Variants in FIGLA observed in about 807,000 individuals in gnomAD.
FIGLA encodes factor in the germline alpha.
In FIGLA, 17 loss-of-function variants were observed where a neutral mutation model predicts 21.5. The observed-to-expected ratio is 0.79, with a 90% CI of 0.54 to 1.19. The LOEUF is 1.19. Among genes scored for constraint, FIGLA ranks in the 50% most tolerant of loss-of-function variants. FIGLA has a pLI of 0.00. For synonymous variants in FIGLA, 129 were observed against 117.6 expected, an observed-to-expected ratio of 1.10 and a Z score of -0.63; for missense variants, 282 against 285.0, an observed-to-expected ratio of 0.99 and a Z score of 0.08.
At chr2:70,790,129 C>T (rs955899377) in intron 1 of FIGLA, among the ~76,000 whole-genome samples, 5 of 152,182 alleles carry the variant, frequency 3.3e-5, no homozygotes, top group Non-Finnish European at 7.4e-5. Context: ...GTTGTCAGGG[C>T]CCCTCCTCTG....
intron 3 of FIGLA, among the ~76,000 whole-genome samples, chr2:70,779,108 G>T (rs1341677526): frequency 6.6e-6 from 1 of 152,164 alleles, no homozygotes; most frequent in African/African-American, 2.4e-5. Context: ...GGCTATAAAT[G>T]CAGTCGCCGG....
chr2:70,787,088 T>C (rs782571797), intron 2 of FIGLA, among the ~76,000 whole-genome samples: 12 of 152,246 alleles, frequency 7.9e-5, no homozygotes, highest in Admixed American at 3.3e-4. Context: ...GGTGGTGACA[T>C]TATGATACTT....
chr2:70,786,870 C>T (rs1553390117), intron 2 of FIGLA, among the ~76,000 whole-genome samples: 1 of 152,104 alleles, frequency 6.6e-6, no homozygotes, highest in African/African-American at 2.4e-5. Flanking sequence ...ACCTTCTTGC[C>T]ACATTCTAAT....
intron 2 of FIGLA, among the ~76,000 whole-genome samples, chr2:70,786,210 A>T (rs1553389993): frequency 1.5e-5 from 2 of 132,150 alleles, no homozygotes; most frequent in African/African-American, 2.9e-5. Flanking sequence ...CCTTCACTTG[A>T]TCTAACAACT....
At chr2:70,779,854 T>C (rs1348353566) in intron 3 of FIGLA, among the ~76,000 whole-genome samples, 2 of 152,074 alleles carry the variant, frequency 1.3e-5, no homozygotes, top group South Asian at 4.1e-4. Flanking sequence ...CCATGCATAA[T>C]ATGAAATGCC....
rs576888415 is a variant in FIGLA, at chr2:70,785,325, A to T, written c.609+90T>A. 131 of 1,082,288 alleles carry T rather than the reference A, an allele frequency of 1.2e-4. No individual in the cohort carries two copies. The South Asian group carries it at 1.9e-3, about 16-fold the overall frequency. 67.0% of individuals were successfully genotyped at this position (1,082,288 alleles called of 1,614,324 possible). ...TTCATTAAATTATCTTGTTTTAATC[A>T]TGTTTTAGCATGGAAAAATGACTCA... On this transcript the variant is annotated intron_variant, in intron 3 of 4. Transcript: ENST00000332372.
chr2:70,787,803 T>C lies in FIGLA; in HGVS notation c.232-2A>G, dbSNP rs1553390266. Reference sequence around the variant, plus strand: ...AAAACCACGGTTGAGATTTTTTATCTAGAAAACAAAAAGGCACAGTAACAC... The same window carrying C: ...AAAACCACGGTTGAGATTTTTTATCCAGAAAACAAAAAGGCACAGTAACAC... On this transcript the variant is annotated splice_acceptor_variant, in intron 1 of 4. Transcript: ENST00000332372. LOFTEE classifies it high-confidence loss of function. 6.2e-7 allele frequency: 1 copy of C among 1,610,718 alleles called. No individual in the cohort carries two copies. The highest frequency in any genetic ancestry group is 8.5e-7 in the Non-Finnish European group (1 of 1,179,184).
chr2:70,786,320 G>A (rs560763237), intron 2 of FIGLA, among the ~76,000 whole-genome samples: 1 of 150,752 alleles, frequency 6.6e-6, no homozygotes, highest in Admixed American at 6.6e-5. Flanking sequence ...TTTTTTTTGG[G>A]GGGGGACAGA....
At position 70,785,814 on chromosome 2, in the gene FIGLA, C is replaced by A. The variant is rs7566700; in HGVS notation, c.385-175G>T. ...AATTGACCGTATTTTGTTCTCCTAT[C>A]ATCTTAAAATGTTATGCAATAGGTA... is the stretch of plus-strand genomic sequence containing the variant. On this transcript the variant is annotated intron_variant, in intron 2 of 4. Transcript: ENST00000332372. Among the ~76,000 whole-genome samples, 81,607 of 152,080 alleles carry A rather than the reference C, an allele frequency of 0.54. 22,990 individuals carry two copies. The highest frequency in any genetic ancestry group is 0.72 in the East Asian group (3,745 of 5,180).
chr2:70,788,577 C>T (rs528204184), intron 1 of FIGLA, among the ~76,000 whole-genome samples: 2 of 152,232 alleles, frequency 1.3e-5, no homozygotes, highest in South Asian at 4.2e-4. Flanking sequence ...GCCACAAAGC[C>T]AATATATATT....
chr2:70,785,606 T>C lies in FIGLA; in HGVS notation c.418A>G (p.Asn140Asp), dbSNP rs781832406. 7 of 1,613,894 alleles carry C rather than the reference T, an allele frequency of 4.3e-6. No homozygotes were observed. In the Admixed American group the frequency reaches 1.0e-4, roughly 23 times the overall value. The stretch of plus-strand genomic sequence containing the variant: ...GAGGATGTATGTGATTCAGAACTGT[T>C]GTTACTATAGCTCTGCTCATCTGGG... ...QDPDEQSYSNNSSESHTSSAR... is the reference protein window; with the variant it reads ...QDPDEQSYSNDSSESHTSSAR... Residue 140 changes from asparagine to aspartate, a missense_variant, in exon 3 of 5, where the codon AAC becomes GAC. By Grantham distance (23) the Asn-to-Asp change is conservative (BLOSUM62 1). Coordinates refer to ENST00000332372, the MANE Select transcript of FIGLA (RefSeq NM_001004311.3).
intron 1 of FIGLA, among the ~76,000 whole-genome samples, chr2:70,789,523 G>C (rs1553390526): frequency 2.6e-5 from 4 of 152,076 alleles, no homozygotes; most frequent in South Asian, 2.1e-4. Context: ...TCCTTTCTGC[G>C]CTTGCCCTCT....
intron 4 of FIGLA, 95 bp downstream of exon 4, chr2:70,777,542 G>C: frequency 2.0e-6 from 3 of 1,528,086 alleles, no homozygotes; most frequent in Non-Finnish European, 2.7e-6. Context: ...TTTTAATAGA[G>C]CTCATTGCTA....
At chr2:70,788,369 G>T (rs1675994613) in intron 1 of FIGLA, among the ~76,000 whole-genome samples, 1 of 152,066 alleles carries the variant, frequency 6.6e-6, no homozygotes, top group African/African-American at 2.4e-5. Flanking sequence ...TGAGCCATCA[G>T]CTCTTCAAAC....
chr2:70,783,956 C>T (rs1202356532), intron 3 of FIGLA, among the ~76,000 whole-genome samples: 1 of 152,130 alleles, frequency 6.6e-6, no homozygotes, highest in Non-Finnish European at 1.5e-5. Flanking sequence ...TCCCAAAGTG[C>T]TGGGATGACA....
chr2:70,777,490 TA>T, intron 4 of FIGLA, 108 bp from the exon 5 acceptor site: 1 of 1,369,704 alleles, frequency 7.3e-7, no homozygotes, highest in South Asian at 1.5e-5. Flanking sequence ...CAAAGATGTT[TA>T]AATTTAAAGA....
chr2:70,790,487 G>A lies in FIGLA; in HGVS notation c.152C>T (p.Ser51Leu), dbSNP rs782606232. Residue 51 changes from serine to leucine, a missense_variant, in exon 1 of 5, where the codon TCG (serine) becomes TTG (leucine). By Grantham distance (145) the Ser-to-Leu change is moderately radical. Transcript: ENST00000332372. ...GTTTTCAGTGGACGAGTAGCCGCCC[G>A]AGGGCAGCCGCTTGAGCCGGCAGAC... ...AAVCRLKRLP[S>L]GGYSSTENLQ... is the part of the protein sequence containing the mutation. 1.3e-6 allele frequency: 2 copies of A among 1,543,876 alleles called. No homozygotes were observed. Among genetic ancestry groups the A allele is most frequent in the East Asian group, 2.5e-5 (1 of 40,684 alleles).
chr2:70,783,087 T>C (rs1289917741), intron 3 of FIGLA, among the ~76,000 whole-genome samples: 1 of 149,704 alleles, frequency 6.7e-6, no homozygotes, highest in African/African-American at 2.5e-5. Flanking sequence ...GATTTGAATG[T>C]GAAAGGATGA....
chr2:70,789,054 A>T (rs999608479), intron 1 of FIGLA, among the ~76,000 whole-genome samples: 7 of 152,238 alleles, frequency 4.6e-5, no homozygotes, highest in Non-Finnish European at 8.8e-5. Context: ...CTATGCAGTC[A>T]AAAACTATTC....
Sources: allele counts gnomAD v4.1 joint callset (sites outside exome capture counted in the v4.1 genomes callset), GRCh38; gene constraint gnomAD v4.1.1; transcripts MANE v1.5; gene names NCBI Gene and HGNC (gene_info 2026-07-23, HGNC 2026-07-21).